Variants in IL4R observed in about 807,000 individuals in gnomAD.
IL4R encodes interleukin-4 receptor subunit alpha.
A neutral mutation model predicts 41.5 loss-of-function variants in IL4R; 17 were observed. The ratio of observed to expected loss-of-function variants is 0.41; its 90% confidence interval spans 0.28 to 0.61. The LOEUF (loss-of-function observed/expected upper bound fraction) is 0.61, where lower values mean the gene tolerates loss of function less well. IL4R is among the 20% of genes least tolerant of loss of function. The pLI is 0.31. For synonymous variants in IL4R, 402 were observed against 422.9 expected (o/e 0.95, Z 0.61); for missense variants, 974 against 1,043.1 (o/e 0.93, Z 0.91).
intron 1 of IL4R, among the ~76,000 whole-genome samples, chr16:27,320,620 C>G (rs1018681084): frequency 6.6e-6 from 1 of 152,192 alleles, no homozygotes; most frequent in South Asian, 2.1e-4. Context: ...CTATCCAGCC[C>G]AAAGAGGAGA....
At chr16:27,341,221 A>G (rs2085430097) in intron 3 of IL4R, 1 of 685,202 alleles carries the variant, frequency 1.5e-6, no homozygotes, top group Middle Eastern at 2.3e-4. Context: ...AGAGAAAGAG[A>G]AGTGGCCAGG....
chr16:27,314,228 C>T, intron 1 of IL4R: 1 of 569,700 alleles, frequency 1.8e-6, no homozygotes, highest in Non-Finnish European at 2.2e-6. Flanking sequence ...GCGCGAGGCC[C>T]GGGGTACGTG....
rs369179205 is a variant in IL4R, at chr16:27,345,138, G to A, written c.361+118G>A. ...TAGCAACAGCAGGAGGAAGCCGCCT[G>A]TATTTTCCCAAATCTGATGGGATTC... On this transcript the variant is annotated intron_variant, in intron 5 of 10. Transcript: ENST00000395762. This position sits in a 1 kb window ranked among gnomAD's most constrained non-coding sequence, Gnocchi z 4.5. 8.6e-5 allele frequency: 97 copies of A among 1,128,370 alleles called. No individual in the cohort carries two copies. In the African/African-American group the frequency reaches 1.3e-3, roughly 15 times the overall value. The allele number at this position is 1,128,370 out of a possible 1,614,324, so 69.9% of individuals were successfully genotyped here. A position where few individuals can be genotyped will look rare whatever the true frequency, so the allele number is the denominator to read the frequency against.
At position 27,363,773 on chromosome 16, in the gene IL4R, G is replaced by T. The variant is rs2086400091; in HGVS notation, c.2421G>T (p.Gln807His). Residue 807 changes from glutamine to histidine, a missense_variant, in exon 11 of 11, where the codon CAG (glutamine) becomes CAT (histidine). Physicochemically the swap from Gln to His is conservative, Grantham distance 24. Transcript: ENST00000395762. ...CTGGCAATGCTCAGAGCTCAAGCCA[G>T]ACCCCCAAAATCGTGAACTTTGTCT... is the stretch of plus-strand genomic sequence containing the variant. ...PAPGNAQSSS[Q>H]TPKIVNFVSV... is the part of the protein sequence containing the mutation. 1.9e-6 allele frequency: 3 copies of T among 1,611,316 alleles called. No homozygotes were observed. The highest frequency in any genetic ancestry group is 2.2e-5 in the South Asian group (2 of 91,090).
At chr16:27,328,205 CA>C (rs779355998) in intron 1 of IL4R, among the ~76,000 whole-genome samples, 1,751 of 70,490 alleles carry the variant, frequency 0.025, 16 homozygotes, top group Middle Eastern at 0.058. Context: ...GGCTCCATCT[CA>C]AAAAAAAAAA....
At chr16:27,320,380 G>A (rs1415122231) in intron 1 of IL4R, among the ~76,000 whole-genome samples, 5 of 152,176 alleles carry the variant, frequency 3.3e-5, no homozygotes, top group African/African-American at 9.7e-5. Flanking sequence ...GAATCATCCC[G>A]AAGCCATGGC....
chr16:27,313,928 AGCCCCGCGCG>A, upstream of IL4R: 3 of 984,140 alleles, frequency 3.0e-6, no homozygotes, highest in Non-Finnish European at 3.6e-6. Flanking sequence ...CGCCCAGGAA[AGCCCCGCGCG>A]GCGCGGGCCA....
At chr16:27,343,055 A>C (rs2141136952) in intron 4 of IL4R, among the ~76,000 whole-genome samples, 1 of 152,302 alleles carries the variant, frequency 6.6e-6, no homozygotes, top group African/African-American at 2.4e-5. Flanking sequence ...GTGATGGTGG[A>C]TGGACCAGGA....
At chr16:27,340,446 G>A (rs1218312505) in intron 3 of IL4R, among the ~76,000 whole-genome samples, 173 bp downstream of exon 3, 1 of 152,130 alleles carries the variant, frequency 6.6e-6, no homozygotes. Flanking sequence ...ATGGGAGCCG[G>A]GTGCAGTGGC....
At chr16:27,340,374 A>G in intron 3 of IL4R, 101 bp downstream of exon 3, 1 of 834,328 alleles carries the variant, frequency 1.2e-6, no homozygotes, top group South Asian at 1.5e-5. Context: ...CTGCAGTGGG[A>G]GGGGACAGCC....
chr16:27,344,597 C>A (rs1055671452), intron 4 of IL4R, among the ~76,000 whole-genome samples: 3 of 152,162 alleles, frequency 2.0e-5, no homozygotes, highest in Admixed American at 2.0e-4. Flanking sequence ...CTTTCAGGAA[C>A]AAGCTAAGTC....
intron 9 of IL4R, among the ~76,000 whole-genome samples, chr16:27,360,013 T>C (rs963373125): frequency 3.4e-4 from 47 of 138,392 alleles, no homozygotes; most frequent in Non-Finnish European, 6.4e-4. Flanking sequence ...GACAGTTGGC[T>C]TTTTTTTTTT....
chr16:27,329,541 G>A (rs2085054949), intron 1 of IL4R, among the ~76,000 whole-genome samples: 1 of 151,902 alleles, frequency 6.6e-6, no homozygotes, highest in African/African-American at 2.4e-5. Flanking sequence ...GTTGGGTGTG[G>A]TGGCACACAC....
intron 1 of IL4R, among the ~76,000 whole-genome samples, chr16:27,324,860 G>A (rs975308682): frequency 6.6e-6 from 1 of 152,106 alleles, no homozygotes; most frequent in Non-Finnish European, 1.5e-5. Context: ...TCGTGGGAAG[G>A]GTCCCTGGGA....
At chr16:27,313,848 C>G (rs1209422740), upstream of IL4R, 1 of 885,692 alleles carries the variant, frequency 1.1e-6, no homozygotes, top group African/African-American at 1.8e-5. Context: ...GCGCGCCGGG[C>G]GGGGCGGCGC....
At position 27,345,623 on chromosome 16, in the gene IL4R, A is replaced by G. The variant is rs1162314768; in HGVS notation, c.361+603A>G. On this transcript the variant is annotated intron_variant, in intron 5 of 10. Transcript: ENST00000395762. The surrounding 1 kb of genome is among the most constrained non-coding windows in gnomAD (Gnocchi z 4.5). ...CAAAATAAAGAAAAATACTCAGTAA[A>G]TCATCATAAAGTACAGAGATGTGGC... The G allele has an allele frequency of 5.5e-6, 1 of 181,040 alleles. No homozygotes were observed. Among genetic ancestry groups the G allele is most frequent in the East Asian group, 1.5e-4 (1 of 6,876 alleles). 11.2% of individuals were successfully genotyped at this position (181,040 alleles called of 1,614,324 possible). A position where few individuals can be genotyped will look rare whatever the true frequency, so the allele number is the denominator to read the frequency against.
intron 1 of IL4R, among the ~76,000 whole-genome samples, chr16:27,321,473 C>T (rs936040702): frequency 5.9e-5 from 9 of 152,232 alleles, no homozygotes; most frequent in African/African-American, 2.2e-4. Context: ...AGGAAGGAGA[C>T]TATTACCTCC....
chr16:27,364,059 C>G lies in IL4R; in HGVS notation c.*229C>G, dbSNP rs1283290078. The G allele has an allele frequency of 9.4e-6, 5 of 531,064 alleles. No individual in the cohort carries two copies. The highest frequency in any genetic ancestry group is 1.6e-5 in the Non-Finnish European group (5 of 304,132). 32.9% of individuals were successfully genotyped at this position (531,064 alleles called of 1,614,324 possible). ...CCACATCCCATGAGAGTAGAGGGCA[C>G]TGGGTCGCCGTGCCCCACGGCAGGC... On this transcript the variant is annotated 3_prime_UTR_variant, in exon 11 of 11. Coordinates refer to ENST00000395762, the MANE Select transcript of IL4R (RefSeq NM_000418.4).
chr16:27,317,425 CCTGGCTGGCACA>C (rs1189276481), intron 1 of IL4R, among the ~76,000 whole-genome samples: 1 of 152,118 alleles, frequency 6.6e-6, no homozygotes, highest in Non-Finnish European at 1.5e-5. Flanking sequence ...GAGTTTTCCT[CCTGGCTGGCACA>C]GTGGAGACAT....
Sources: allele counts gnomAD v4.1 joint callset (sites outside exome capture counted in the v4.1 genomes callset), GRCh38; gene constraint gnomAD v4.1.1; non-coding constraint Gnocchi (gnomAD v3.1); transcripts MANE v1.5; gene names NCBI Gene and HGNC (gene_info 2026-07-23, HGNC 2026-07-21).